ANKRD30B: variants seen among roughly 807,000 people sequenced by gnomAD.
The protein encoded by ANKRD30B is ankyrin repeat domain 30B.
A neutral mutation model predicts 202.2 loss-of-function variants in ANKRD30B; 144 were observed. The ratio of observed to expected loss-of-function variants is 0.71; its 90% confidence interval spans 0.62 to 0.82. ANKRD30B has a LOEUF of 0.82. ANKRD30B is among the 40% of genes least tolerant of loss of function. ANKRD30B has a pLI of 0.00. For missense variants in ANKRD30B, 1,487 were observed against 1,669.1 expected (o/e 0.89, Z 1.90); for synonymous variants, 508 against 561.3 (o/e 0.91, Z 1.34).
chr18:14,871,131 T>TCACCTACACACCCC, the ANKRD30B span, among the ~76,000 whole-genome samples: 2 of 5,454 alleles, frequency 3.7e-4, no homozygotes, highest in African/African-American at 1.1e-3. Context: ...CCACACACCC[T>TCACCTACACACCCC]CACCCACACA....
the ANKRD30B span, among the ~76,000 whole-genome samples, chr18:14,865,406 A>C: frequency 6.8e-6 from 1 of 146,892 alleles, no homozygotes; most frequent in South Asian, 2.2e-4. Context: ...CATCTACTCA[A>C]AATCTTTTTA....
the ANKRD30B span, among the ~76,000 whole-genome samples, chr18:14,859,972 C>T: frequency 0.17 from 20,898 of 121,600 alleles, 1,928 homozygotes; most frequent in East Asian, 0.27. Context: ...ATGGGGCGAC[C>T]GGGAAGAGGC....
chr18:14,796,924 C>G (rs1968940589), intron 18 of ANKRD30B, among the ~76,000 whole-genome samples: 1 of 152,278 alleles, frequency 6.6e-6, no homozygotes, highest in African/African-American at 2.4e-5. Flanking sequence ...ATACAGTATA[C>G]AGGGATAAGA....
At chr18:14,843,528 T>A (rs1310375091) in intron 39 of ANKRD30B, among the ~76,000 whole-genome samples, 1 of 149,492 alleles carries the variant, frequency 6.7e-6, no homozygotes, top group Non-Finnish European at 1.5e-5. Context: ...CCTAAGGAAA[T>A]CTGTTGTTCT....
chr18:14,894,960 G>C, the ANKRD30B span, among the ~76,000 whole-genome samples: 1 of 151,648 alleles, frequency 6.6e-6, no homozygotes, highest in Non-Finnish European at 1.5e-5. Flanking sequence ...ATGAAAAGAT[G>C]CTCAATATCA....
At chr18:14,844,977 A>G (rs1384439087) in intron 39 of ANKRD30B, among the ~76,000 whole-genome samples, 1 of 151,720 alleles carries the variant, frequency 6.6e-6, no homozygotes, top group African/African-American at 2.4e-5. Flanking sequence ...TACATTCTGG[A>G]TTTAGCCCTT....
At chr18:14,892,664 C>A in the ANKRD30B span, among the ~76,000 whole-genome samples, 2 of 144,668 alleles carry the variant, frequency 1.4e-5, no homozygotes, top group African/African-American at 5.1e-5. Context: ...TGCTTGAACC[C>A]AGAAGGTGGA....
the ANKRD30B span, among the ~76,000 whole-genome samples, chr18:14,901,601 C>A: frequency 1.3e-5 from 2 of 150,954 alleles, no homozygotes; most frequent in African/African-American, 4.9e-5. Context: ...CAGCTTACAG[C>A]AATTGGGTAA....
At chr18:14,847,221 G>A (rs187431103) in intron 39 of ANKRD30B, among the ~76,000 whole-genome samples, 2 of 151,118 alleles carry the variant, frequency 1.3e-5, no homozygotes, top group Non-Finnish European at 3.0e-5. Context: ...GGTTGTTTTA[G>A]GATTTATAGT....
chr18:14,937,270 C>CA, the ANKRD30B span, among the ~76,000 whole-genome samples: 205 of 152,334 alleles, frequency 1.3e-3, 1 homozygote, highest in African/African-American at 4.8e-3. Flanking sequence ...AAAACACCAC[C>CA]AGCTTTTTCC....
chr18:14,867,204 A>G, the ANKRD30B span, among the ~76,000 whole-genome samples: 16 of 149,912 alleles, frequency 1.1e-4, no homozygotes, highest in Admixed American at 1.1e-3. Flanking sequence ...GGTTGTGGAC[A>G]CTATCGAGTG....
chr18:14,843,553 C>CTGTGTGTGTGTGTGTG (rs56044501), intron 39 of ANKRD30B, among the ~76,000 whole-genome samples: 104 of 145,368 alleles, frequency 7.2e-4, no homozygotes, highest in Middle Eastern at 3.6e-3. Flanking sequence ...AGCTTACTTT[C>CTGTGTGTGTGTGTGTG]TGTGTGTGTG....
At chr18:14,806,108 C>T (rs1349419119) in intron 24 of ANKRD30B, among the ~76,000 whole-genome samples, 1 of 149,014 alleles carries the variant, frequency 6.7e-6, no homozygotes, top group African/African-American at 2.5e-5. Context: ...TAGTCCCAGC[C>T]ACTCAGGAGG....
At chr18:14,839,250 A>G (rs1164112774) in intron 36 of ANKRD30B, among the ~76,000 whole-genome samples, 1 of 152,220 alleles carries the variant, frequency 6.6e-6, no homozygotes, top group Non-Finnish European at 1.5e-5. Context: ...ATGTTCCTTA[A>G]GAGAAAATTG....
chr18:14,904,838 A>G, the ANKRD30B span, among the ~76,000 whole-genome samples: 1 of 152,200 alleles, frequency 6.6e-6, no homozygotes, highest in East Asian at 1.9e-4. Context: ...AGGCTTTTGA[A>G]TCAGAGAGAC....
chr18:14,848,740 T>C lies in ANKRD30B; in HGVS notation c.3206T>C (p.Leu1069Ser). 5.8e-6 allele frequency: 9 copies of C among 1,554,174 alleles called. No homozygotes were observed. The highest frequency in any genetic ancestry group is 7.8e-6 in the Non-Finnish European group (9 of 1,150,822). The stretch of plus-strand genomic sequence containing the variant: ...GATTCAACTACCCTATCAAAAATCT[T>C]GGATGCACTTCCTTCTTGTGAAAGA... ...RADSTTLSKI[L>S]DALPSCERGR... Residue 1069 changes from leucine to serine, a missense_variant, in exon 40 of 44, where the codon TTG becomes TCG. Coordinates refer to ENST00000690538, the MANE Select transcript of ANKRD30B (RefSeq NM_001367607.2).
chr18:14,766,411 TG>T (rs1916161958), intron 7 of ANKRD30B, among the ~76,000 whole-genome samples: 3 of 123,508 alleles, frequency 2.4e-5, no homozygotes, highest in Admixed American at 2.0e-4. Context: ...AGGTGGAGGT[TG>T]CAGTGAGCCG....
chr18:14,923,766 T>A, the ANKRD30B span, among the ~76,000 whole-genome samples: 1 of 152,232 alleles, frequency 6.6e-6, no homozygotes, highest in Non-Finnish European at 1.5e-5. Context: ...AGTATCTGGA[T>A]TAACAGGCAG....
At chr18:14,860,786 C>A in the ANKRD30B span, among the ~76,000 whole-genome samples, 1 of 152,034 alleles carries the variant, frequency 6.6e-6, no homozygotes, top group East Asian at 2.0e-4. Context: ...CTCACTGCAA[C>A]CTCTGCTTCC....
Sources: gnomAD v4.1 joint callset for allele counts (sites outside exome capture counted in the v4.1 genomes callset) on GRCh38, gnomAD v4.1.1 for gene constraint, MANE v1.5 for transcripts, NCBI Gene and HGNC (gene_info 2026-07-23, HGNC 2026-07-21) for gene names.